Variants in PLCL1 observed in about 807,000 individuals in gnomAD.
PLCL1 encodes the protein inactive phospholipase C-like protein 1.
In PLCL1, 41 loss-of-function variants were observed where a neutral mutation model predicts 84.4. That is an observed-to-expected ratio of 0.49 (90% CI 0.38 to 0.63). The LOEUF is 0.63. Ranked by LOEUF, PLCL1 falls within the 30% of genes least tolerant of loss-of-function variation. The probability of loss-of-function intolerance (pLI) is 0.00; values close to 1 mark genes in which losing one functional copy is unlikely to be tolerated. For synonymous variants in PLCL1, 490 were observed against 488.3 expected, an observed-to-expected ratio of 1.00 and a Z score of -0.05; for missense variants, 1,206 against 1,367.8, an observed-to-expected ratio of 0.88 and a Z score of 1.87.
intron 1 of PLCL1, among the ~76,000 whole-genome samples, chr2:197,823,742 T>G (rs1310521931): frequency 6.6e-6 from 1 of 151,256 alleles, no homozygotes; most frequent in Admixed American, 6.6e-5. Context: ...TCTAATTTCT[T>G]GCAGTATTAC....
At chr2:197,960,296 G>A (rs1689586993) in intron 1 of PLCL1, among the ~76,000 whole-genome samples, 2 of 152,076 alleles carry the variant, frequency 1.3e-5, no homozygotes, top group African/African-American at 2.4e-5. Flanking sequence ...TTTGCATGGA[G>A]TTGAGTTAGT....
chr2:198,124,396 C>G (rs1693940198), intron 5 of PLCL1, among the ~76,000 whole-genome samples: 1 of 151,998 alleles, frequency 6.6e-6, no homozygotes, highest in Admixed American at 6.6e-5. Context: ...ATAATTTTCT[C>G]CAGAAAAGTC....
chr2:197,805,206 C>A lies in PLCL1; in HGVS notation c.107C>A (p.Ala36Glu). 1 of 1,275,174 alleles carries A rather than the reference C, an allele frequency of 7.8e-7. No individual in the cohort carries two copies. The highest frequency in any genetic ancestry group is 9.9e-7 in the Non-Finnish European group (1 of 1,012,812). The allele number at this position is 1,275,174 out of a possible 1,614,324, so 79.0% of individuals were successfully genotyped here. ...GPDAAGDCVT[A>E]ASGGRMRDRR... ...GATGCCGCCGGGGACTGCGTGACGG[C>A]GGCCTCTGGGGGCCGGATGAGGGAC... The change falls in exon 1 of 6, where the codon GCG becomes GAG. Residue 36 changes from alanine (A) to glutamate (E), a missense_variant. Physicochemically the swap from Ala to Glu is moderately radical, Grantham distance 107 (BLOSUM62 -1). Transcript: ENST00000428675. The surrounding 1 kb of genome is among the most constrained non-coding windows in gnomAD (Gnocchi z 4.0).
At chr2:197,981,886 C>G (rs1360606072) in intron 1 of PLCL1, among the ~76,000 whole-genome samples, 2 of 152,110 alleles carry the variant, frequency 1.3e-5, no homozygotes, top group South Asian at 4.1e-4. Flanking sequence ...AAAGTCACAA[C>G]CTAGAAGGGA....
intron 1 of PLCL1, among the ~76,000 whole-genome samples, chr2:198,077,030 C>T (rs538433180): frequency 6.6e-6 from 1 of 152,278 alleles, no homozygotes; most frequent in Admixed American, 6.5e-5. Flanking sequence ...TTAGTGGAGC[C>T]AACATTTTTG....
chr2:197,849,153 A>G (rs1160138276), intron 1 of PLCL1, among the ~76,000 whole-genome samples: 1 of 152,132 alleles, frequency 6.6e-6, no homozygotes, highest in Non-Finnish European at 1.5e-5. Flanking sequence ...CCCTGGGTGG[A>G]TGGTAGCAGG....
intron 1 of PLCL1, among the ~76,000 whole-genome samples, chr2:197,973,206 TA>T (rs1689905109): frequency 6.6e-6 from 1 of 152,180 alleles, no homozygotes; most frequent in African/African-American, 2.4e-5. Context: ...AGGTATGAAC[TA>T]AGAAGCTGTA....
intron 1 of PLCL1, among the ~76,000 whole-genome samples, chr2:197,963,236 T>C (rs2105791215): frequency 6.6e-6 from 1 of 152,280 alleles, no homozygotes; most frequent in Non-Finnish European, 1.5e-5. Context: ...CTTCACATCC[T>C]TGTCAGCATT....
intron 1 of PLCL1, among the ~76,000 whole-genome samples, chr2:198,031,812 A>G (rs1257901897): frequency 1.3e-5 from 2 of 152,068 alleles, no homozygotes; most frequent in Non-Finnish European, 2.9e-5. Context: ...TATTTGTGCC[A>G]CAAATGACTT....
intron 1 of PLCL1, among the ~76,000 whole-genome samples, chr2:197,897,168 CTTCTTCTTCTTCTTCTT>C (rs1559038571): frequency 9.5e-5 from 3 of 31,420 alleles, no homozygotes; most frequent in Non-Finnish European, 1.7e-4. Context: ...TCTTCTTCTT[CTTCTTCTTCTTCTTCTT>C]CTTCTCCTTC....
At chr2:197,920,977 C>T (rs562681624) in intron 1 of PLCL1, among the ~76,000 whole-genome samples, 23 of 152,194 alleles carry the variant, frequency 1.5e-4, no homozygotes, top group Middle Eastern at 3.4e-3. Flanking sequence ...CATTGTTAGG[C>T]GATTTTGTCA....
At chr2:197,818,497 C>T (rs1690738326) in intron 1 of PLCL1, among the ~76,000 whole-genome samples, 1 of 151,966 alleles carries the variant, frequency 6.6e-6, no homozygotes, top group South Asian at 2.1e-4. Context: ...AGATAATGAC[C>T]CTTTCTGAGG....
intron 1 of PLCL1, among the ~76,000 whole-genome samples, chr2:197,928,611 G>T (rs540381343): frequency 6.6e-6 from 1 of 152,060 alleles, no homozygotes; most frequent in African/African-American, 2.4e-5. Context: ...ACTTGGACTG[G>T]ATCCCACAAT....
At chr2:197,836,577 C>T (rs1022181771) in intron 1 of PLCL1, among the ~76,000 whole-genome samples, 1 of 151,034 alleles carries the variant, frequency 6.6e-6, no homozygotes, top group African/African-American at 2.4e-5. Context: ...TTTTTGTTAG[C>T]TCTGTTAAAA....
chr2:197,997,364 C>T (rs921621763), intron 1 of PLCL1, among the ~76,000 whole-genome samples: 2 of 152,214 alleles, frequency 1.3e-5, no homozygotes, highest in Admixed American at 6.5e-5. Context: ...GTGGTCAAAG[C>T]TCAAGTGGCA....
intron 1 of PLCL1, among the ~76,000 whole-genome samples, chr2:198,006,113 T>G (rs1231236270): frequency 6.6e-6 from 1 of 152,138 alleles, no homozygotes; most frequent in East Asian, 1.9e-4. Flanking sequence ...TTTCTTCCCT[T>G]CTAGGGAAAC....
At chr2:197,845,545 T>C (rs1416997280) in intron 1 of PLCL1, among the ~76,000 whole-genome samples, 2 of 152,240 alleles carry the variant, frequency 1.3e-5, no homozygotes, top group East Asian at 3.9e-4. Context: ...GTCAGCCTTT[T>C]CTTGGGAATT....
At chr2:198,044,341 T>A (rs867343531) in intron 1 of PLCL1, among the ~76,000 whole-genome samples, 10 of 152,164 alleles carry the variant, frequency 6.6e-5, no homozygotes, top group African/African-American at 2.2e-4. Flanking sequence ...CACAATTTTT[T>A]AAATGTCCTT....
At chr2:197,822,143 T>C (rs1302974762) in intron 1 of PLCL1, among the ~76,000 whole-genome samples, 1 of 152,162 alleles carries the variant, frequency 6.6e-6, no homozygotes. Context: ...TGAGTAACTG[T>C]TGTGTGCCAC....
Sources: gnomAD v4.1 joint callset for allele counts (sites outside exome capture counted in the v4.1 genomes callset) on GRCh38, gnomAD v4.1.1 for gene constraint, Gnocchi (gnomAD v3.1) non-coding constraint, MANE v1.5 for transcripts, NCBI Gene and HGNC (gene_info 2026-07-23, HGNC 2026-07-21) for gene names.